The following MACO1 variants were observed in gnomAD, a reference collection of about 807,000 sequenced individuals.
MACO1 encodes macoilin 1.
Under a neutral mutation model 78.7 loss-of-function variants are expected in MACO1, and 14 were observed. The ratio of observed to expected loss-of-function variants is 0.18; its 90% CI spans 0.12 to 0.28. MACO1 has a LOEUF of 0.28. Among genes scored for constraint, MACO1 ranks in the 10% least tolerant of loss-of-function variants. The probability of loss-of-function intolerance (pLI) is 1.00; values close to 1 mark genes in which losing one functional copy is unlikely to be tolerated. For synonymous variants in MACO1, 288 were observed against 291.6 expected, an observed-to-expected ratio of 0.99 and a Z score of 0.12; for missense variants, 501 against 799.0, an observed-to-expected ratio of 0.63 and a Z score of 4.50.
At chr1:25,478,854 G>C (rs1242700289) in intron 6 of MACO1, among the ~76,000 whole-genome samples, 6 of 152,214 alleles carry the variant, frequency 3.9e-5, no homozygotes, top group Non-Finnish European at 8.8e-5. Context: ...CTTTGTAAGG[G>C]TGAAAACTGG....
chr1:25,442,351 A>G (rs539813724), intron 1 of MACO1, among the ~76,000 whole-genome samples: 56 of 152,234 alleles, frequency 3.7e-4, no homozygotes, highest in Non-Finnish European at 7.3e-4. Context: ...CACAGTTGCC[A>G]TTACTGAGAG....
intron 4 of MACO1, among the ~76,000 whole-genome samples, chr1:25,455,543 C>T (rs2043111639): frequency 6.6e-6 from 1 of 152,144 alleles, no homozygotes; most frequent in African/African-American, 2.4e-5. Flanking sequence ...TAAATTGATA[C>T]ATTTTCATGT....
At position 25,438,745 on chromosome 1, in the gene MACO1, A is replaced by G. The variant is rs182791482; in HGVS notation, c.80+7567A>G. 5.3e-3 allele frequency among the ~76,000 whole-genome samples: 805 copies of G among 152,288 alleles called. 6 individuals carry two copies. The highest frequency in any genetic ancestry group is 0.018 in the African/African-American group (745 of 41,548). On this transcript the variant is annotated intron_variant, in intron 1 of 10. Coordinates refer to ENST00000374343, the MANE Select transcript of MACO1 (RefSeq NM_018202.6). ...TGGCGAAACCCCGTCTCTACTAAAA[A>G]TATAAAAATTAGCTGGGCGTGGTAG...
At chr1:25,445,490 A>G (rs531556916) in intron 1 of MACO1, among the ~76,000 whole-genome samples, 1 of 152,230 alleles carries the variant, frequency 6.6e-6, no homozygotes, top group South Asian at 2.1e-4. Flanking sequence ...TGTTCTTGAC[A>G]TCTCTTGCCT....
chr1:25,445,148 A>G (rs896512888), intron 1 of MACO1, among the ~76,000 whole-genome samples: 9 of 151,414 alleles, frequency 5.9e-5, no homozygotes, highest in African/African-American at 1.9e-4. Context: ...AAAAAAAAAA[A>G]AAAAGCCAAA....
intron 1 of MACO1, 119 bp from the exon 2 acceptor site, chr1:25,446,643 C>A: frequency 9.9e-7 from 1 of 1,005,266 alleles, no homozygotes. Context: ...GCTTTATCTC[C>A]ATTGTTTTCA....
chr1:25,491,342 T>G, intron 9 of MACO1, 68 bp from the exon 10 acceptor site: 3 of 1,590,320 alleles, frequency 1.9e-6, no homozygotes, highest in Non-Finnish European at 2.6e-6. Flanking sequence ...ATTTGTGATT[T>G]CAGGCTAATT....
At chr1:25,458,927 C>G (rs746987768) in intron 6 of MACO1, 35 bp downstream of exon 6, 4 of 1,579,852 alleles carry the variant, frequency 2.5e-6, no homozygotes, top group Non-Finnish European at 3.4e-6. Context: ...CTAACACTTT[C>G]CAGTAAACTT....
At chr1:25,491,349 A>G (rs1304364121) in intron 9 of MACO1, 61 bp from the exon 10 acceptor site, 2 of 1,599,914 alleles carry the variant, frequency 1.3e-6, no homozygotes, top group Non-Finnish European at 1.7e-6. Flanking sequence ...ATTTCAGGCT[A>G]ATTTATAGAC....
Position 25,454,269 on chromosome 1 carries a change from G to A in MACO1, c.360G>A (p.Val120=). Residue 120 remains valine, a synonymous_variant, in exon 4 of 11, where the codon GTG becomes GTA. Coordinates refer to ENST00000374343, the MANE Select transcript of MACO1 (RefSeq NM_018202.6). ...VQYVWHTERG[V]CLPTVSLWIL... Reference sequence around the variant, plus strand: ...GCTGCTTTCTCACAGAAAGGGGAGTGTGTTTGCCTACAGTGTCTCTCTGGA... The same window carrying A: ...GCTGCTTTCTCACAGAAAGGGGAGTATGTTTGCCTACAGTGTCTCTCTGGA... The A allele has an allele frequency of 6.3e-7, 1 of 1,593,936 alleles. No homozygotes were observed. The highest frequency in any genetic ancestry group is 8.5e-7 in the Non-Finnish European group (1 of 1,170,374).
Position 25,446,767 on chromosome 1 carries a change from T to C in MACO1, c.86T>C (p.Phe29Ser). 1 of 1,610,914 alleles carries C rather than the reference T, an allele frequency of 6.2e-7. No individual in the cohort carries two copies. Among genetic ancestry groups the C allele is most frequent in the Non-Finnish European group, 8.5e-7 (1 of 1,178,788 alleles). ...TTTATTTTTATATTTTGCAGTACAT[T>C]TTTATACCTGAAATTCCTGGTGGTG... is the stretch of plus-strand genomic sequence containing the variant. ...RITEGIYGST[F>S]LYLKFLVVWA... The change falls in exon 2 of 11, where the codon TTT (phenylalanine) becomes TCT (serine). Residue 29 changes from phenylalanine to serine, a missense_variant. Physicochemically the swap from Phe to Ser is radical, Grantham distance 155. Around this residue, in one of 5 missense-constraint regions of MACO1, gnomAD observed 171 missense variants for 292.1 expected, o/e 0.59. Coordinates refer to ENST00000374343, the MANE Select transcript of MACO1 (RefSeq NM_018202.6).
chr1:25,491,277 C>T (rs942025130), intron 9 of MACO1, 133 bp from the exon 10 acceptor site: 7 of 1,224,974 alleles, frequency 5.7e-6, no homozygotes, highest in African/African-American at 4.6e-5. Flanking sequence ...TTGCCTAAAC[C>T]CATGAAACAC....
chr1:25,492,863 G>T (rs2043499396), intron 10 of MACO1, among the ~76,000 whole-genome samples: 2 of 152,112 alleles, frequency 1.3e-5, no homozygotes, highest in Admixed American at 1.3e-4. Context: ...TTTTCAAATG[G>T]TTGACTTAGT....
chr1:25,469,498 T>C (rs1199712713), intron 6 of MACO1, among the ~76,000 whole-genome samples: 5 of 152,178 alleles, frequency 3.3e-5, no homozygotes, highest in Admixed American at 3.3e-4. Flanking sequence ...CGATCAGCTT[T>C]CCTCTGTGAC....
intron 6 of MACO1, among the ~76,000 whole-genome samples, chr1:25,459,174 G>A (rs2043149825): frequency 6.6e-6 from 1 of 152,002 alleles, no homozygotes; most frequent in Non-Finnish European, 1.5e-5. Flanking sequence ...GCACTTCTTT[G>A]GTCCTTGTCC....
At position 25,484,278 on chromosome 1, in the gene MACO1, C is replaced by A. The variant is rs760632681; in HGVS notation, c.1313+4C>A. ...AGAACGAGCTGCTGCAGAACAAGTACGTGCACCTTTCAGGCCTTTGGCCGT... is the reference window on the plus strand; with the variant it reads ...AGAACGAGCTGCTGCAGAACAAGTAAGTGCACCTTTCAGGCCTTTGGCCGT... On this transcript the variant is annotated splice_donor_region_variant and intron_variant, in intron 7 of 10. Transcript: ENST00000374343. 2 of 1,601,748 alleles carry A rather than the reference C, an allele frequency of 1.2e-6. No homozygotes were observed. The highest frequency in any genetic ancestry group is 4.5e-5 in the East Asian group (2 of 44,614).
chr1:25,439,627 T>C (rs1041730143), intron 1 of MACO1, among the ~76,000 whole-genome samples: 3 of 151,956 alleles, frequency 2.0e-5, no homozygotes, highest in Non-Finnish European at 4.4e-5. Context: ...AATGCAGCAG[T>C]GGTTCCAGTT....
intron 6 of MACO1, among the ~76,000 whole-genome samples, chr1:25,460,321 A>G (rs182177819): frequency 0.016 from 2,376 of 152,164 alleles, 28 homozygotes; most frequent in Non-Finnish European, 0.023. Flanking sequence ...TTTACCTTCT[A>G]TTTCAGAGGA....
At chr1:25,496,699 T>TG (rs1423675625) in intron 10 of MACO1, among the ~76,000 whole-genome samples, 2 of 140,778 alleles carry the variant, frequency 1.4e-5, no homozygotes, top group African/African-American at 6.0e-5. Context: ...GAGCTAACAA[T>TG]GGAAAAAAAA....
Sources: allele counts gnomAD v4.1 joint callset (sites outside exome capture counted in the v4.1 genomes callset), GRCh38; gene constraint gnomAD v4.1.1; regional missense constraint gnomAD v4.1.1; transcripts MANE v1.5; gene names NCBI Gene and HGNC (gene_info 2026-07-23, HGNC 2026-07-21).